CCSER1: variants seen among roughly 807,000 people sequenced by gnomAD.
CCSER1 encodes the protein coiled-coil serine rich protein 1, also known as serine-rich coiled-coil domain-containing protein 1.
Under a neutral mutation model 82.0 loss-of-function variants are expected in CCSER1, and 41 were observed. The observed-to-expected ratio is 0.50, with a 90% confidence interval of 0.39 to 0.65. The LOEUF is 0.65. Ranked by LOEUF, CCSER1 falls within the 30% of genes least tolerant of loss-of-function variation. CCSER1 has a pLI of 0.00. For synonymous variants in CCSER1, 414 were observed against 383.9 expected, an observed-to-expected ratio of 1.08 and a Z score of -0.92; for missense variants, 1,119 against 1,064.2, an observed-to-expected ratio of 1.05 and a Z score of -0.72.
chr4:91,104,532 G>A (rs13114934), intron 10 of CCSER1, among the ~76,000 whole-genome samples: 15,289 of 152,222 alleles, frequency 0.1, 992 homozygotes, highest in East Asian at 0.27. Context: ...GGTTCCCCCA[G>A]TAAGAGACTT....
intron 6 of CCSER1, among the ~76,000 whole-genome samples, chr4:90,644,181 GT>G (rs1727070897): frequency 6.6e-6 from 1 of 152,060 alleles, no homozygotes; most frequent in African/African-American, 2.4e-5. Flanking sequence ...AGATTTCAGA[GT>G]TTTTGGATTT....
At chr4:90,426,383 G>A (rs1170332912) in intron 4 of CCSER1, among the ~76,000 whole-genome samples, 1 of 152,066 alleles carries the variant, frequency 6.6e-6, no homozygotes, top group Non-Finnish European at 1.5e-5. Flanking sequence ...TTATATTCAG[G>A]GGAAAGAGAT....
intron 9 of CCSER1, among the ~76,000 whole-genome samples, chr4:91,028,049 C>T (rs1195263558): frequency 6.6e-6 from 1 of 151,950 alleles, no homozygotes; most frequent in African/African-American, 2.4e-5. Context: ...CAACAACACA[C>T]TAATGATGTA....
chr4:90,458,997 T>A (rs778299322), intron 4 of CCSER1, among the ~76,000 whole-genome samples: 8 of 152,352 alleles, frequency 5.3e-5, no homozygotes, highest in Non-Finnish European at 8.8e-5. Flanking sequence ...TTCTTTCTAA[T>A]GCTATCTATT....
intron 7 of CCSER1, among the ~76,000 whole-genome samples, chr4:90,750,014 G>A (rs1160772685): frequency 2.6e-5 from 4 of 152,098 alleles, no homozygotes; most frequent in Non-Finnish European, 4.4e-5. Context: ...TCTCATTGTG[G>A]TGTTGATTTG....
At chr4:90,243,062 CTTTTTTTTT>C (rs745465024) in intron 1 of CCSER1, among the ~76,000 whole-genome samples, 4 of 126,990 alleles carry the variant, frequency 3.1e-5, no homozygotes, top group South Asian at 5.2e-4. Flanking sequence ...CTCTCTCTCT[CTTTTTTTTT>C]TTTTTTTTTT....
At chr4:90,974,449 G>T (rs1735418520) in intron 9 of CCSER1, among the ~76,000 whole-genome samples, 1 of 149,642 alleles carries the variant, frequency 6.7e-6, no homozygotes, top group Admixed American at 6.7e-5. Flanking sequence ...GGAGAATTGT[G>T]CTTGAAAAAA....
chr4:91,595,186 C>A (rs1228674038), intron 10 of CCSER1, among the ~76,000 whole-genome samples: 1 of 152,096 alleles, frequency 6.6e-6, no homozygotes, highest in African/African-American at 2.4e-5. Flanking sequence ...CTATTAAGAA[C>A]CATCCCAAAT....
intron 5 of CCSER1, among the ~76,000 whole-genome samples, chr4:90,618,927 A>T (rs9307090): frequency 0.49 from 73,912 of 151,654 alleles, 21,657 homozygotes; most frequent in African/African-American, 0.83. Context: ...TTCAAATGAA[A>T]TATAGTATGT....
intron 5 of CCSER1, among the ~76,000 whole-genome samples, chr4:90,480,119 G>A (rs1371707846): frequency 1.3e-5 from 2 of 152,176 alleles, no homozygotes; most frequent in Non-Finnish European, 2.9e-5. Flanking sequence ...ACATTTCTCT[G>A]ATGGCCAGTG....
intron 3 of CCSER1, among the ~76,000 whole-genome samples, chr4:90,395,875 G>A (rs1195457958): frequency 6.7e-6 from 1 of 149,426 alleles, no homozygotes; most frequent in African/African-American, 2.5e-5. Context: ...TTCAAGACCA[G>A]CCTGGCCAAC....
chr4:91,455,846 G>T (rs1193037233), intron 10 of CCSER1, among the ~76,000 whole-genome samples: 2 of 152,062 alleles, frequency 1.3e-5, no homozygotes, highest in Non-Finnish European at 2.9e-5. Flanking sequence ...GGGGAAAGTT[G>T]TATATGCACA....
chr4:91,388,969 T>C (rs1751482188), intron 10 of CCSER1, among the ~76,000 whole-genome samples: 1 of 152,066 alleles, frequency 6.6e-6, no homozygotes, highest in Non-Finnish European at 1.5e-5. Flanking sequence ...GTATTATTTA[T>C]ATATTTTGAA....
chr4:90,921,267 T>C (rs1000555997), intron 8 of CCSER1, among the ~76,000 whole-genome samples: 6 of 151,330 alleles, frequency 4.0e-5, no homozygotes, highest in Non-Finnish European at 8.9e-5. Context: ...AACTTTCATA[T>C]GTTTACGGCC....
rs1304107710 is a variant in CCSER1 at position 91,041,662 on chromosome 4, A to G, written c.2173-44288A>G. ...GGTTTTCAAAGTAAAAGAAAAAAAAATGTAAGCACCTTCACAAATGAAACA... is the reference window on the plus strand; with the variant it reads ...GGTTTTCAAAGTAAAAGAAAAAAAAGTGTAAGCACCTTCACAAATGAAACA... On this transcript the variant is annotated intron_variant, in intron 9 of 10. Transcript: ENST00000509176. 2.6e-5 allele frequency among the ~76,000 whole-genome samples: 4 copies of G among 152,190 alleles called. No homozygotes were observed. In the East Asian group the frequency reaches 7.7e-4, roughly 29 times the overall value.
At chr4:90,788,486 C>A (rs778658602) in intron 7 of CCSER1, among the ~76,000 whole-genome samples, 3 of 152,120 alleles carry the variant, frequency 2.0e-5, no homozygotes, top group Admixed American at 2.0e-4. Context: ...GGACCTCAAG[C>A]CTGGTATCTG....
chr4:90,923,883 G>A (rs1285137928), intron 9 of CCSER1, among the ~76,000 whole-genome samples: 3 of 152,160 alleles, frequency 2.0e-5, no homozygotes, highest in Non-Finnish European at 4.4e-5. Flanking sequence ...TTAAAATAAT[G>A]TTTTAGCTCT....
intron 8 of CCSER1, among the ~76,000 whole-genome samples, chr4:90,825,737 T>C (rs1226763650): frequency 6.0e-5 from 8 of 132,554 alleles, no homozygotes; most frequent in Middle Eastern, 3.7e-3. Flanking sequence ...GTTGCTTTTT[T>C]TTTTTTTTTT....
At chr4:90,812,090 A>T (rs1177878079) in intron 7 of CCSER1, among the ~76,000 whole-genome samples, 1 of 152,004 alleles carries the variant, frequency 6.6e-6, no homozygotes, top group Non-Finnish European at 1.5e-5. Context: ...AGCCAGTCCA[A>T]ATTCCAAAAC....
Sources: allele counts gnomAD v4.1 joint callset (sites outside exome capture counted in the v4.1 genomes callset), GRCh38; gene constraint gnomAD v4.1.1; transcripts MANE v1.5; gene names NCBI Gene and HGNC (gene_info 2026-07-23, HGNC 2026-07-21).